The following KLHL20 variants were observed in gnomAD, a reference collection of about 807,000 sequenced individuals.
The protein encoded by KLHL20 is kelch like family member 20, also known as kelch-like protein 20.
Under a neutral mutation model 69.5 loss-of-function variants are expected in KLHL20, and 29 were observed. The observed-to-expected ratio is 0.42, with a 90% CI of 0.31 to 0.57. The LOEUF (loss-of-function observed/expected upper bound fraction) is 0.57. Among genes scored for constraint, KLHL20 ranks in the 20% least tolerant of loss-of-function variants. The pLI, the probability that KLHL20 is intolerant of heterozygous loss-of-function variation, is 0.18. For missense variants in KLHL20, 419 were observed against 776.0 expected, an observed-to-expected ratio of 0.54 and a Z score of 5.47; for synonymous variants, 253 against 265.2, an observed-to-expected ratio of 0.95 and a Z score of 0.45.
chr1:173,733,916 C>T lies in KLHL20; in HGVS notation c.227C>T (p.Ala76Val), dbSNP rs1672408156. The stretch of plus-strand genomic sequence containing the variant: ...TGTGATGTGGTGCTAGTTGTGGGCG[C>T]CAAGAAGATATATGCCCATCGAGTC... ...ELCDVVLVVG[A>V]KKIYAHRVIL... is the part of the protein sequence containing the mutation. The change falls in exon 3 of 12, where the codon GCC becomes GTC. Residue 76 changes from alanine to valine, a missense_variant. Transcript: ENST00000209884. 6.2e-7 allele frequency: 1 copy of T among 1,614,146 alleles called. No individual in the cohort carries two copies. The highest frequency in any genetic ancestry group is 8.5e-7 in the Non-Finnish European group (1 of 1,180,028).
At chr1:173,733,521 C>T (rs745672946) in intron 2 of KLHL20, among the ~76,000 whole-genome samples, 192 bp from the exon 3 acceptor site, 1 of 151,904 alleles carries the variant, frequency 6.6e-6, no homozygotes, top group Non-Finnish European at 1.5e-5. Context: ...GTGGAGGCAA[C>T]AGGATCACTT....
In KLHL20 at chr1:173,728,143, A is replaced by T. The variant is rs1254229012; in HGVS notation, c.24-5570A>T. Among the ~76,000 whole-genome samples, 4 of 152,336 alleles carry T rather than the reference A, an allele frequency of 2.6e-5. No homozygotes were observed. In the East Asian group the frequency reaches 7.7e-4, roughly 29 times the overall value. On this transcript the variant is annotated intron_variant, in intron 2 of 11. Transcript: ENST00000209884. ...TTTAAACCAACAAAGATCAAAAGAG[A>T]CAAGGCCATTGCATAATGGTAAAGG...
chr1:173,720,752 A>G (rs10912671), intron 2 of KLHL20, among the ~76,000 whole-genome samples: 61,602 of 151,912 alleles, frequency 0.41, 15,517 homozygotes, highest in African/African-American at 0.72. Flanking sequence ...TGAGGAAGAG[A>G]TAGTGTTATA....
In KLHL20 at chr1:173,778,990, T is replaced by G. The variant is rs547372410; in HGVS notation, c.1639-3134T>G. 1.4e-4 allele frequency among the ~76,000 whole-genome samples: 22 copies of G among 152,282 alleles called. No homozygotes were observed. In the South Asian group the frequency reaches 4.6e-3, roughly 32 times the overall value. On this transcript the variant is annotated intron_variant, in intron 10 of 11. Coordinates refer to ENST00000209884, the MANE Select transcript of KLHL20 (RefSeq NM_014458.4). ...TGATCTTTATTGTTTCTTCTCATTT[T>G]GGATTTGGTTTGTTCTTTTCTAGTT...
intron 2 of KLHL20, among the ~76,000 whole-genome samples, chr1:173,716,352 A>T (rs896621189): frequency 6.6e-6 from 1 of 152,172 alleles, no homozygotes. Context: ...TTATGATACT[A>T]TATGGATTTA....
At position 173,736,885 on chromosome 1, in the gene KLHL20, C is replaced by T. The variant is rs539027528; in HGVS notation, c.597+2599C>T. Among the ~76,000 whole-genome samples the T allele has an allele frequency of 1.2e-4, 19 of 152,254 alleles. No individual in the cohort carries two copies. The East Asian group carries it at 1.7e-3, about 14-fold the overall frequency. ...TGCTGGGATTACAGGCATGAGCCAC[C>T]GCACCCGGCCTATGTTTTTATTTTT... On this transcript the variant is annotated intron_variant, in intron 3 of 11. Transcript: ENST00000209884.
Position 173,774,398 on chromosome 1 carries a change from T to C in KLHL20, c.1389T>C (p.Tyr463=). 6.2e-7 allele frequency: 1 copy of C among 1,614,156 alleles called. No homozygotes were observed. Among genetic ancestry groups the C allele is most frequent in the Non-Finnish European group, 8.5e-7 (1 of 1,180,028 alleles). The stretch of plus-strand genomic sequence containing the variant: ...TGGCTGTGTTAGGAGGGTTCTTATA[T>C]GCTGTAGGTGGCTCTGACGGGACAT... ...VAVAVLGGFL[Y]AVGGSDGTSP... is the part of the protein sequence containing the mutation. The change falls in exon 9 of 12, where the codon TAT becomes TAC. Residue 463 remains tyrosine, a synonymous_variant. Coordinates refer to ENST00000209884, the MANE Select transcript of KLHL20 (RefSeq NM_014458.4).
At chr1:173,730,698 AC>A (rs1672228682) in intron 2 of KLHL20, among the ~76,000 whole-genome samples, 2 of 152,242 alleles carry the variant, frequency 1.3e-5, no homozygotes, top group Non-Finnish European at 2.9e-5. Flanking sequence ...TCCCTTCATT[AC>A]ACCTTATACA....
At chr1:173,754,525 G>A (rs899044603) in intron 5 of KLHL20, among the ~76,000 whole-genome samples, 8 of 150,902 alleles carry the variant, frequency 5.3e-5, no homozygotes, top group Non-Finnish European at 1.2e-4. Flanking sequence ...TGGAGGTTGC[G>A]GTGAGCCAAG....
chr1:173,775,364 A>C (rs1648388079), intron 9 of KLHL20, among the ~76,000 whole-genome samples: 1 of 152,190 alleles, frequency 6.6e-6, no homozygotes, highest in South Asian at 2.1e-4. Context: ...GCTGAGAGTC[A>C]TGTAGCTAAT....
rs375083476 is a variant in KLHL20, at chr1:173,779,350, C to CTT, written c.1639-2757_1639-2756dup. ...AGAGAATAATTTTTTAGGATTTCTC[C>CTT]TTTTTTTTTTTTTTTTTTGAGAAGG... On this transcript the variant is annotated intron_variant, in intron 10 of 11. Transcript: ENST00000209884. Among the ~76,000 whole-genome samples, 165 of 131,416 alleles carry CTT rather than the reference C, an allele frequency of 1.3e-3. 1 individual carries two copies. Among genetic ancestry groups the CTT allele is most frequent in the African/African-American group, 4.0e-3 (139 of 34,652 alleles). The allele number at this position is 131,416 out of a possible 152,430, so 86.2% of individuals were successfully genotyped here.
intron 2 of KLHL20, among the ~76,000 whole-genome samples, chr1:173,733,382 G>A (rs1285252830): frequency 6.6e-6 from 1 of 151,916 alleles, no homozygotes; most frequent in African/African-American, 2.4e-5. Flanking sequence ...TGTTAACTTG[G>A]GCTTAATTTT....
chr1:173,743,740 T>TA (rs1366229106), intron 3 of KLHL20, among the ~76,000 whole-genome samples: 1 of 152,072 alleles, frequency 6.6e-6, no homozygotes, highest in Non-Finnish European at 1.5e-5. Flanking sequence ...TAAATACATG[T>TA]ATGTTTTCCT....
intron 3 of KLHL20, among the ~76,000 whole-genome samples, chr1:173,739,641 T>G (rs12091187): frequency 0.078 from 10,546 of 134,720 alleles, 1,326 homozygotes; most frequent in African/African-American, 0.27. Flanking sequence ...GGTTGTAATA[T>G]CTCCCTTTTT....
intron 7 of KLHL20, among the ~76,000 whole-genome samples, chr1:173,760,864 C>T (rs1382998039): frequency 1.3e-5 from 2 of 152,092 alleles, no homozygotes; most frequent in Admixed American, 1.3e-4. Flanking sequence ...AAGAGCACTA[C>T]GAAAGTAAAG....
intron 2 of KLHL20, among the ~76,000 whole-genome samples, chr1:173,729,802 C>G (rs1409190783): frequency 6.6e-6 from 1 of 152,192 alleles, no homozygotes. Context: ...CCTTTGAAAA[C>G]TGGCACAAGA....
intron 2 of KLHL20, among the ~76,000 whole-genome samples, chr1:173,724,295 A>G (rs1671853849): frequency 1.3e-5 from 2 of 151,814 alleles, no homozygotes; most frequent in Non-Finnish European, 2.9e-5. Flanking sequence ...ATGAGCCACT[A>G]GGCTCAGCCT....
intron 8 of KLHL20, among the ~76,000 whole-genome samples, chr1:173,769,164 A>G (rs1647924268): frequency 6.6e-6 from 1 of 152,180 alleles, no homozygotes; most frequent in South Asian, 2.1e-4. Context: ...GCATTGTAGG[A>G]TGTTTAACAG....
chr1:173,734,405 A>G, intron 3 of KLHL20, 119 bp downstream of exon 3: 1 of 859,888 alleles, frequency 1.2e-6, no homozygotes, highest in African/African-American at 1.7e-5. Flanking sequence ...ATAGCAAATA[A>G]ATAAGTTATT....
Sources: gnomAD v4.1 joint callset for allele counts (sites outside exome capture counted in the v4.1 genomes callset) on GRCh38, gnomAD v4.1.1 for gene constraint, MANE v1.5 for transcripts, NCBI Gene and HGNC (gene_info 2026-07-23, HGNC 2026-07-21) for gene names.